The following ETFA variants were observed in gnomAD, a reference collection of about 807,000 sequenced individuals.
ETFA encodes electron transfer flavoprotein subunit alpha, mitochondrial.
Under a neutral mutation model 46.2 loss-of-function variants are expected in ETFA, and 22 were observed. The observed-to-expected ratio is 0.48, with a 90% CI of 0.34 to 0.68. ETFA has a LOEUF of 0.68. ETFA is among the 30% of genes least tolerant of loss of function. The pLI is 0.01. For missense variants in ETFA, 345 were observed against 401.1 expected (o/e 0.86, Z 1.19); for synonymous variants, 131 against 139.9 (o/e 0.94, Z 0.45).
chr15:76,281,393 C>T (rs939636750), intron 8 of ETFA, among the ~76,000 whole-genome samples: 1 of 152,044 alleles, frequency 6.6e-6, no homozygotes, highest in Non-Finnish European at 1.5e-5. Context: ...CATAACCCAT[C>T]CTATTAGTCT....
chr15:76,303,076 G>C (rs1436020178), intron 1 of ETFA, among the ~76,000 whole-genome samples: 2 of 152,110 alleles, frequency 1.3e-5, no homozygotes, highest in Non-Finnish European at 2.9e-5. Flanking sequence ...AGGCCGAGGC[G>C]AGTGGATCAC....
At chr15:76,237,471 C>T (rs1019858891) in intron 9 of ETFA, among the ~76,000 whole-genome samples, 2 of 152,162 alleles carry the variant, frequency 1.3e-5, no homozygotes, top group South Asian at 2.1e-4. Flanking sequence ...GAAACTACTA[C>T]ATTATTCAAT....
chr15:76,302,520 G>C (rs1434116914), intron 1 of ETFA, among the ~76,000 whole-genome samples: 1 of 145,348 alleles, frequency 6.9e-6, no homozygotes, highest in Non-Finnish European at 1.5e-5. Context: ...GAGGTTTTTT[G>C]TTGTTGTTGT....
chr15:76,274,081 A>G (rs1295756656), intron 9 of ETFA: 1 of 309,880 alleles, frequency 3.2e-6, no homozygotes, highest in Admixed American at 4.5e-5. Flanking sequence ...TAAAGGCTTT[A>G]TGGAAATAAA....
At position 76,231,392 on chromosome 15, in the gene ETFA, A is replaced by G; in HGVS notation, c.823T>C (p.Tyr275His). 6.3e-7 allele frequency: 1 copy of G among 1,592,458 alleles called. No homozygotes were observed. Among genetic ancestry groups the G allele is most frequent in the Non-Finnish European group, 8.6e-7 (1 of 1,160,472 alleles). ...GCTCCAGATATTCCAACAGCAATAT[A>G]AAGTTCCTGAAATAAAAGAGGTCAC... ...QTGKIVAPEL[Y>H]IAVGISGAIQ... The change falls in exon 10 of 12, where the codon TAT (tyrosine) becomes CAT (histidine). Residue 275 changes from tyrosine (Y) to histidine (H), a missense_variant. Tyr to His is a moderately conservative substitution (Grantham distance 83). Coordinates refer to ENST00000557943, the MANE Select transcript of ETFA (RefSeq NM_000126.4).
chr15:76,281,760 A>T (rs1360685234), intron 8 of ETFA, among the ~76,000 whole-genome samples: 1 of 152,078 alleles, frequency 6.6e-6, no homozygotes. Flanking sequence ...TGGCCCCTCC[A>T]ATGATATATT....
chr15:76,304,946 G>C (rs1325897256), intron 1 of ETFA, among the ~76,000 whole-genome samples: 1 of 151,958 alleles, frequency 6.6e-6, no homozygotes, highest in Non-Finnish European at 1.5e-5. Flanking sequence ...GGGAGGCTGA[G>C]GCAGATGAAT....
chr15:76,295,148 G>A (rs934187122), intron 2 of ETFA, among the ~76,000 whole-genome samples: 1 of 152,156 alleles, frequency 6.6e-6, no homozygotes, highest in Non-Finnish European at 1.5e-5. Flanking sequence ...ACATCTTTTA[G>A]TACCAGCTAG....
chr15:76,253,118 C>T (rs1409913930), intron 9 of ETFA, among the ~76,000 whole-genome samples: 1 of 151,962 alleles, frequency 6.6e-6, no homozygotes, highest in East Asian at 1.9e-4. Flanking sequence ...AGTCTGAAAT[C>T]ATTTCAAAAT....
At chr15:76,286,591 C>G (rs1463382632) in intron 5 of ETFA, 110 bp from the exon 6 acceptor site, 1 of 734,624 alleles carries the variant, frequency 1.4e-6, no homozygotes, top group African/African-American at 1.7e-5. Context: ...AACTATTGAC[C>G]AGTTGTCTTC....
chr15:76,260,976 G>A, intron 9 of ETFA: 1 of 1,610,144 alleles, frequency 6.2e-7, no homozygotes, highest in Non-Finnish European at 8.5e-7. Flanking sequence ...TGGCATCCAG[G>A]CCACACTAGT....
At chr15:76,250,233 AAAG>A (rs1290916274) in intron 9 of ETFA, among the ~76,000 whole-genome samples, 7 of 152,080 alleles carry the variant, frequency 4.6e-5, no homozygotes, top group African/African-American at 1.7e-4. Flanking sequence ...AAAAAAAGAT[AAAG>A]AACATATATA....
At chr15:76,260,348 C>T in intron 9 of ETFA, 1 of 1,329,284 alleles carries the variant, frequency 7.5e-7, no homozygotes, top group Non-Finnish European at 1.1e-6. Flanking sequence ...CTTTCGGTCT[C>T]TTTTGAAGCA....
In ETFA at chr15:76,276,633, G is replaced by T. The variant is rs138289896; in HGVS notation, c.734-2139C>A. On this transcript the variant is annotated intron_variant, in intron 8 of 11. Coordinates refer to ENST00000557943, the MANE Select transcript of ETFA (RefSeq NM_000126.4). ...CAGTTCAGGTTTTTTTGTTGTTGTTGTTTTTTTCTTTTTCTGGTTATTTTT... is the reference window on the plus strand; with the variant it reads ...CAGTTCAGGTTTTTTTGTTGTTGTTTTTTTTTTCTTTTTCTGGTTATTTTT... Among the ~76,000 whole-genome samples the T allele has an allele frequency of 7.6e-3, 1,108 of 146,088 alleles. 19 individuals are homozygous for T. The highest frequency in any genetic ancestry group is 0.026 in the African/African-American group (1,054 of 39,912).
intron 9 of ETFA, 78 bp downstream of exon 9, chr15:76,274,334 T>G: frequency 2.7e-6 from 3 of 1,099,970 alleles, no homozygotes; most frequent in Non-Finnish European, 4.1e-6. Context: ...GGTAAATCAC[T>G]GAGATCACTG....
intron 8 of ETFA, among the ~76,000 whole-genome samples, chr15:76,282,389 G>T (rs2039664697): frequency 6.6e-6 from 1 of 152,146 alleles, no homozygotes; most frequent in Admixed American, 6.5e-5. Context: ...TATGGCCCCT[G>T]CTAACACTTC....
In ETFA at chr15:76,226,031, C is replaced by T. The variant is rs923505358; in HGVS notation, c.883-102G>A. 25 of 742,498 alleles carry T rather than the reference C, an allele frequency of 3.4e-5. No homozygotes were observed. The Admixed American group carries it at 5.2e-4, about 15-fold the overall frequency. The allele number at this position is 742,498 out of a possible 1,614,324, so 46.0% of individuals were successfully genotyped here. On this transcript the variant is annotated intron_variant, in intron 10 of 11. Transcript: ENST00000557943. Reference sequence around the variant, plus strand: ...CAATATATTAATATTCTTAAAATGTCTACCAAATAAGATTTGAGGCATCTG... The same window carrying T: ...CAATATATTAATATTCTTAAAATGTTTACCAAATAAGATTTGAGGCATCTG...
At chr15:76,277,651 T>C (rs1336579878) in intron 8 of ETFA, among the ~76,000 whole-genome samples, 1 of 152,174 alleles carries the variant, frequency 6.6e-6, no homozygotes, top group East Asian at 1.9e-4. Flanking sequence ...TACAGGTGCG[T>C]GCTGCCACGC....
chr15:76,242,880 C>T (rs546666669), intron 9 of ETFA, among the ~76,000 whole-genome samples: 2 of 152,240 alleles, frequency 1.3e-5, no homozygotes, highest in East Asian at 3.9e-4. Context: ...CAAGGTAGAA[C>T]GTAATAAGTT....
Sources: allele counts gnomAD v4.1 joint callset (sites outside exome capture counted in the v4.1 genomes callset), GRCh38; gene constraint gnomAD v4.1.1; transcripts MANE v1.5; gene names NCBI Gene and HGNC (gene_info 2026-07-23, HGNC 2026-07-21).